FCHSD2: variants seen among roughly 807,000 people sequenced by gnomAD.
The protein encoded by FCHSD2 is F-BAR and double SH3 domains protein 2.
In FCHSD2, 38 loss-of-function variants were observed where a neutral mutation model predicts 108.1. The ratio of observed to expected loss-of-function variants is 0.35; its 90% CI spans 0.27 to 0.46. The LOEUF (loss-of-function observed/expected upper bound fraction) is 0.46. FCHSD2 is among the 20% of genes least tolerant of loss of function. The pLI is 1.00. For missense variants in FCHSD2, 751 were observed against 897.8 expected (o/e 0.84, Z 2.09); for synonymous variants, 279 against 314.7 (o/e 0.89, Z 1.20).
chr11:72,987,527 G>A (rs1406778250), intron 6 of FCHSD2, among the ~76,000 whole-genome samples: 3 of 152,212 alleles, frequency 2.0e-5, no homozygotes, highest in Admixed American at 6.5e-5. Flanking sequence ...AACAAACTGC[G>A]AATAAATGAA....
At chr11:73,048,890 C>T (rs1237155288) in intron 3 of FCHSD2, among the ~76,000 whole-genome samples, 2 of 152,128 alleles carry the variant, frequency 1.3e-5, no homozygotes, top group African/African-American at 2.4e-5. Context: ...GATTCAATAA[C>T]GACCACACAA....
intron 5 of FCHSD2, among the ~76,000 whole-genome samples, chr11:72,993,218 C>G (rs1857452441): frequency 6.6e-6 from 1 of 152,178 alleles, no homozygotes; most frequent in African/African-American, 2.4e-5. Context: ...GATACCATCT[C>G]ACACCAGTTA....
At chr11:73,096,986 G>GTTTTTTTTTTTTT (rs1400831147) in intron 2 of FCHSD2, among the ~76,000 whole-genome samples, 4 of 19,472 alleles carry the variant, frequency 2.1e-4, no homozygotes, top group African/African-American at 2.8e-4. Flanking sequence ...TTCATTGATG[G>GTTTTTTTTTTTTT]ATTTTTTTTT....
intron 12 of FCHSD2, among the ~76,000 whole-genome samples, chr11:72,878,781 T>C (rs1254904294): frequency 6.6e-6 from 1 of 152,206 alleles, no homozygotes; most frequent in Admixed American, 6.5e-5. Flanking sequence ...AGTAGAGCTA[T>C]GAACTGAAAA....
chr11:72,905,366 A>G (rs1054887449), intron 9 of FCHSD2, among the ~76,000 whole-genome samples: 1 of 152,196 alleles, frequency 6.6e-6, no homozygotes, highest in East Asian at 1.9e-4. Context: ...TGTAATAATC[A>G]TATCAAGGTA....
intron 4 of FCHSD2, among the ~76,000 whole-genome samples, chr11:73,005,902 C>CTT (rs56872243): frequency 2.4e-4 from 30 of 125,652 alleles, no homozygotes; most frequent in African/African-American, 5.3e-4. Flanking sequence ...TATTCCTAAA[C>CTT]TTTTTTTTTT....
intron 2 of FCHSD2, among the ~76,000 whole-genome samples, chr11:73,138,757 G>A (rs528663898): frequency 5.3e-5 from 8 of 152,040 alleles, no homozygotes; most frequent in African/African-American, 9.6e-5. Flanking sequence ...ACAGGCGCAC[G>A]CCACCATGCC....
intron 3 of FCHSD2, among the ~76,000 whole-genome samples, chr11:73,069,417 G>GA (rs954807588): frequency 3.5e-5 from 5 of 144,352 alleles, no homozygotes; most frequent in African/African-American, 5.1e-5. Context: ...ACACAGAACT[G>GA]AAAAAAAACT....
chr11:73,079,434 G>A (rs547777477), intron 3 of FCHSD2, among the ~76,000 whole-genome samples: 104 of 152,076 alleles, frequency 6.8e-4, no homozygotes, highest in Non-Finnish European at 1.3e-3. Context: ...TCCTGATGTC[G>A]TGATCCGCCC....
rs1855112112 is a variant in FCHSD2 at position 72,882,561 on chromosome 11, T to C, written c.1146+4909A>G. 2.0e-5 allele frequency among the ~76,000 whole-genome samples: 3 copies of C among 152,208 alleles called. No homozygotes were observed. In the South Asian group the frequency reaches 6.2e-4, roughly 31 times the overall value. ...TTGAAATGTTCTAAATATAAAGAAATTATAAATGTCTGAGGTGATAGATAT... is the reference window on the plus strand; with the variant it reads ...TTGAAATGTTCTAAATATAAAGAAACTATAAATGTCTGAGGTGATAGATAT... On this transcript the variant is annotated intron_variant, in intron 12 of 19. Transcript: ENST00000409418.
At chr11:73,053,862 T>A (rs1462115208) in intron 3 of FCHSD2, among the ~76,000 whole-genome samples, 1 of 152,218 alleles carries the variant, frequency 6.6e-6, no homozygotes, top group African/African-American at 2.4e-5. Context: ...TTTTTCCCTA[T>A]GTATGACCAT....
chr11:73,101,204 G>C (rs1316149474), intron 2 of FCHSD2, among the ~76,000 whole-genome samples: 2 of 152,086 alleles, frequency 1.3e-5, no homozygotes, highest in South Asian at 4.2e-4. Flanking sequence ...TCATAAAAAG[G>C]CCACATAAAA....
intron 5 of FCHSD2, among the ~76,000 whole-genome samples, chr11:73,000,025 C>T (rs1857596350): frequency 1.3e-5 from 2 of 152,146 alleles, no homozygotes; most frequent in Non-Finnish European, 1.5e-5. Flanking sequence ...ATATGTTTAA[C>T]TGACTAATAT....
At chr11:73,134,310 A>C (rs184231701) in intron 2 of FCHSD2, among the ~76,000 whole-genome samples, 1 of 152,172 alleles carries the variant, frequency 6.6e-6, no homozygotes, top group African/African-American at 2.4e-5. Flanking sequence ...CTCTCTACAA[A>C]AAATACAAAA....
chr11:72,863,096 T>A (rs1414091517), intron 13 of FCHSD2, among the ~76,000 whole-genome samples: 3 of 148,598 alleles, frequency 2.0e-5, no homozygotes, highest in Admixed American at 6.8e-5. Context: ...CTAGTTGAAA[T>A]TTTTTTTTTT....
chr11:72,852,740 A>G (rs1465380865), intron 13 of FCHSD2, among the ~76,000 whole-genome samples: 1 of 152,184 alleles, frequency 6.6e-6, no homozygotes, highest in African/African-American at 2.4e-5. Flanking sequence ...ACATGAAATC[A>G]ACCTAAATAC....
chr11:72,974,534 T>C (rs1218230513), intron 8 of FCHSD2, among the ~76,000 whole-genome samples: 1 of 151,542 alleles, frequency 6.6e-6, no homozygotes, highest in East Asian at 1.9e-4. Flanking sequence ...TTCAACAGAG[T>C]TTTCTAAGAT....
At chr11:73,139,990 C>CA (rs1861210026) in intron 2 of FCHSD2, 41 bp downstream of exon 2, 2 of 1,134,048 alleles carry the variant, frequency 1.8e-6, no homozygotes, top group Non-Finnish European at 2.5e-6. Flanking sequence ...TTCTTTGAAA[C>CA]AGACAAACAG....
At chr11:72,962,460 G>T (rs1007343064) in intron 8 of FCHSD2, among the ~76,000 whole-genome samples, 1 of 152,144 alleles carries the variant, frequency 6.6e-6, no homozygotes, top group African/African-American at 2.4e-5. Flanking sequence ...AGACAAAAAC[G>T]TTTGAGAACC....
Sources: gnomAD v4.1 joint callset for allele counts (sites outside exome capture counted in the v4.1 genomes callset) on GRCh38, gnomAD v4.1.1 for gene constraint, MANE v1.5 for transcripts, NCBI Gene and HGNC (gene_info 2026-07-23, HGNC 2026-07-21) for gene names.